KANSL3: variants seen among roughly 807,000 people sequenced by gnomAD.
KANSL3 encodes NSL complex protein NSL3.
A neutral mutation model predicts 89.2 loss-of-function variants in KANSL3; 16 were observed. That is an observed-to-expected ratio of 0.18 (90% confidence interval 0.12 to 0.27). KANSL3 has a LOEUF of 0.27. KANSL3 is among the 10% of genes least tolerant of loss of function. The probability of loss-of-function intolerance (pLI) is 1.00; values close to 1 mark genes in which losing one functional copy is unlikely to be tolerated. For synonymous variants in KANSL3, 385 were observed against 419.7 expected, an observed-to-expected ratio of 0.92 and a Z score of 1.01; for missense variants, 879 against 1,110.6, an observed-to-expected ratio of 0.79 and a Z score of 2.96.
intron 20 of KANSL3, among the ~76,000 whole-genome samples, chr2:96,599,457 C>A (rs532911790): frequency 6.6e-6 from 1 of 152,074 alleles, no homozygotes; most frequent in African/African-American, 2.4e-5. Context: ...ATTTTAAAAA[C>A]AAAAAGGATT....
the KANSL3 span, among the ~76,000 whole-genome samples, chr2:96,582,276 T>C: frequency 1.3e-5 from 2 of 151,996 alleles, no homozygotes; most frequent in African/African-American, 4.8e-5. Context: ...CACACGCCTG[T>C]AATCCCAGCT....
chr2:96,612,418 A>G (rs1210437962), intron 8 of KANSL3, 44 bp downstream of exon 8: 5 of 1,603,136 alleles, frequency 3.1e-6, no homozygotes, highest in Non-Finnish European at 4.3e-6. Flanking sequence ...ACAACCCCAG[A>G]ATGCTGGGTA....
intron 3 of KANSL3, chr2:96,628,396 A>C: frequency 6.0e-6 from 2 of 331,902 alleles, no homozygotes; most frequent in Non-Finnish European, 8.6e-6. Flanking sequence ...CACACCTATA[A>C]TCCTAGCACT....
At position 96,604,770 on chromosome 2, in the gene KANSL3, A is replaced by G. The variant is rs1371798747; in HGVS notation, c.2018+9T>C. The G allele has an allele frequency of 5.7e-6, 9 of 1,584,270 alleles. No homozygotes were observed. Among genetic ancestry groups the G allele is most frequent in the Non-Finnish European group, 6.0e-6 (7 of 1,164,278 alleles). On this transcript the variant is annotated intron_variant, in intron 16 of 20. Transcript: ENST00000431828. ...AGGAATAGACACAGATGGTCCAATA[A>G]ACACTCACTTGGCTGTGGTGAGAAG...
At chr2:96,634,807 G>A (rs1244775001) in intron 2 of KANSL3, among the ~76,000 whole-genome samples, 1 of 152,230 alleles carries the variant, frequency 6.6e-6, no homozygotes, top group Non-Finnish European at 1.5e-5. Flanking sequence ...GCTAGTACTT[G>A]GATATGTGTA....
intron 9 of KANSL3, among the ~76,000 whole-genome samples, chr2:96,611,690 T>C (rs2068980700): frequency 6.6e-6 from 1 of 152,142 alleles, no homozygotes; most frequent in Admixed American, 6.5e-5. Flanking sequence ...GAGGGACACT[T>C]ACACAAACTG....
At chr2:96,621,286 TG>T (rs2071218941) in intron 3 of KANSL3, among the ~76,000 whole-genome samples, 1 of 151,928 alleles carries the variant, frequency 6.6e-6, no homozygotes, top group South Asian at 2.1e-4. Flanking sequence ...GAGGCCAAGG[TG>T]GGTGGATCAC....
In KANSL3 at chr2:96,604,265, C is replaced by T. The variant is rs1369673954; in HGVS notation, c.2134G>A (p.Gly712Ser). ...LQSRLVATSP[G>S]SSLPGATSAS... Reference sequence around the variant, plus strand: ...CACAAGATACCTGGGAGGGAGCTGCCAGGAGATGTGGCCACCAGGCGGCTC... The same window carrying T: ...CACAAGATACCTGGGAGGGAGCTGCTAGGAGATGTGGCCACCAGGCGGCTC... The change falls in exon 17 of 21, where the codon GGC becomes AGC. Residue 712 changes from glycine (G) to serine (S), a missense_variant. Around this residue, in one of 6 missense-constraint regions of KANSL3, gnomAD observed 317 missense variants for 311.2 expected, o/e 1.02. Coordinates refer to ENST00000431828, the MANE Select transcript of KANSL3 (RefSeq NM_001115016.3). The T allele has an allele frequency of 6.2e-7, 1 of 1,608,090 alleles. No homozygotes were observed. Among genetic ancestry groups the T allele is most frequent in the Admixed American group, 1.7e-5 (1 of 59,056 alleles).
At chr2:96,636,788 A>G in intron 2 of KANSL3, 133 bp downstream of exon 2, 1 of 745,212 alleles carries the variant, frequency 1.3e-6, no homozygotes, top group Non-Finnish European at 2.1e-6. Context: ...TATGCTGCTT[A>G]AGAGATGCCT....
chr2:96,627,956 G>A (rs1662553074), intron 3 of KANSL3: 1 of 1,289,786 alleles, frequency 7.8e-7, no homozygotes, highest in Admixed American at 2.3e-5. Context: ...CTGCCAATGA[G>A]AGAAGGCCTC....
intron 3 of KANSL3, among the ~76,000 whole-genome samples, chr2:96,622,293 G>A (rs2105897667): frequency 6.6e-6 from 1 of 152,010 alleles, no homozygotes; most frequent in African/African-American, 2.4e-5. Context: ...ATAGTGGCAG[G>A]TGCCCAAAGT....
chr2:96,598,753 T>C (rs1468032203), intron 20 of KANSL3, among the ~76,000 whole-genome samples: 1 of 151,462 alleles, frequency 6.6e-6, no homozygotes, highest in Non-Finnish European at 1.5e-5. Flanking sequence ...CTACTAAAAA[T>C]AGAAAAATTA....
At position 96,606,905 on chromosome 2, in the gene KANSL3, A is replaced by G. The variant is rs548602688; in HGVS notation, c.1742-1394T>C. ...TGAGGCAGATGAGAGGCAGAGATGGAAAATAAATAAGGGGTTGAGGAGCAG... is the reference window on the plus strand; with the variant it reads ...TGAGGCAGATGAGAGGCAGAGATGGGAAATAAATAAGGGGTTGAGGAGCAG... On this transcript the variant is annotated intron_variant, in intron 14 of 20. Coordinates refer to ENST00000431828, the MANE Select transcript of KANSL3 (RefSeq NM_001115016.3). 7.2e-4 allele frequency: 645 copies of G among 897,216 alleles called. 12 individuals are homozygous for G. In the South Asian group the frequency reaches 8.7e-3, roughly 12 times the overall value. The allele number at this position is 897,216 out of a possible 1,614,324, so 55.6% of individuals were successfully genotyped here.
intron 3 of KANSL3, among the ~76,000 whole-genome samples, chr2:96,625,017 G>A (rs1385570646): frequency 1.3e-5 from 2 of 151,922 alleles, no homozygotes; most frequent in African/African-American, 2.4e-5. Flanking sequence ...CAAGACCAGC[G>A]TGGCTAACAT....
rs553291736 is a variant in KANSL3, at chr2:96,605,174, C to T, written c.1933+146G>A. The T allele has an allele frequency of 1.6e-3, 1,155 of 710,454 alleles. 2 individuals carry two copies. Among genetic ancestry groups the T allele is most frequent in the Admixed American group, 2.6e-3 (86 of 33,390 alleles). The allele number at this position is 710,454 out of a possible 1,614,324, so 44.0% of individuals were successfully genotyped here. A position where few individuals can be genotyped will look rare whatever the true frequency, so the allele number is the denominator to read the frequency against. Reference sequence around the variant, plus strand: ...TTCAGATGGACTCATGCCAACTTTACCCACATGTACAGACTCATGTCTTCT... The same window carrying T: ...TTCAGATGGACTCATGCCAACTTTATCCACATGTACAGACTCATGTCTTCT... On this transcript the variant is annotated intron_variant, in intron 15 of 20. Coordinates refer to ENST00000431828, the MANE Select transcript of KANSL3 (RefSeq NM_001115016.3).
At chr2:96,588,700 C>T (rs1573220485), downstream of KANSL3, among the ~76,000 whole-genome samples, 1 of 152,030 alleles carries the variant, frequency 6.6e-6, no homozygotes. Context: ...AAGCAATTCT[C>T]GTGCCTCAGC....
intron 3 of KANSL3, chr2:96,628,448 G>C (rs1008890090): frequency 4.6e-6 from 1 of 219,184 alleles, no homozygotes; most frequent in African/African-American, 2.3e-5. Flanking sequence ...CCAGGAGTTT[G>C]AGACCAGCCT....
At position 96,608,670 on chromosome 2, in the gene KANSL3, T is replaced by G; in HGVS notation, c.1585-6A>C. 6.2e-7 allele frequency: 1 copy of G among 1,613,848 alleles called. No individual in the cohort carries two copies. Among genetic ancestry groups the G allele is most frequent in the Non-Finnish European group, 8.5e-7 (1 of 1,179,850 alleles). On this transcript the variant is annotated splice_polypyrimidine_tract_variant and splice_region_variant and intron_variant, in intron 13 of 20. Coordinates refer to ENST00000431828, the MANE Select transcript of KANSL3 (RefSeq NM_001115016.3). ...CTGGACACACTGGAGAGATCCTGAG[T>G]AAGGTGAGAAGGTCAAGAGATGAGA...
At chr2:96,633,368 G>A (rs903807870) in intron 2 of KANSL3, among the ~76,000 whole-genome samples, 38 of 152,164 alleles carry the variant, frequency 2.5e-4, no homozygotes, top group Admixed American at 1.4e-3. Context: ...TCACGAGTTC[G>A]AGACCAGCTT....
Sources: gnomAD v4.1 joint callset for allele counts (sites outside exome capture counted in the v4.1 genomes callset) on GRCh38, gnomAD v4.1.1 for gene constraint, gnomAD v4.1.1 regional missense constraint, MANE v1.5 for transcripts, NCBI Gene and HGNC (gene_info 2026-07-23, HGNC 2026-07-21) for gene names.